The following TRANK1 variants were observed in gnomAD, a reference collection of about 807,000 sequenced individuals.
TRANK1 encodes the protein TPR and ankyrin repeat-containing protein 1.
A neutral mutation model predicts 266.0 loss-of-function variants in TRANK1; 198 were observed. That is an observed-to-expected ratio of 0.74 (90% CI 0.66 to 0.84). TRANK1 has a LOEUF of 0.84. Among genes scored for constraint, TRANK1 ranks in the 40% least tolerant of loss-of-function variants. The pLI is 0.00. For synonymous variants in TRANK1, 1,396 were observed against 1,384.1 expected (o/e 1.01, Z -0.19); for missense variants, 3,326 against 3,634.6 (o/e 0.92, Z 2.18).
At chr3:36,830,273 C>T (rs1022711188) in intron 22 of TRANK1, among the ~76,000 whole-genome samples, 4 of 151,838 alleles carry the variant, frequency 2.6e-5, no homozygotes, top group South Asian at 4.2e-4. Context: ...CAAGATCACG[C>T]CACTGCACTC....
chr3:36,944,017 A>G (rs1419228834), intron 1 of TRANK1, among the ~76,000 whole-genome samples: 1 of 152,136 alleles, frequency 6.6e-6, no homozygotes, highest in East Asian at 1.9e-4. Flanking sequence ...GATGGGCTCT[A>G]TCTCAGCCGG....
At chr3:36,889,523 C>T (rs953874270) in intron 8 of TRANK1, among the ~76,000 whole-genome samples, 1 of 152,150 alleles carries the variant, frequency 6.6e-6, no homozygotes, top group Non-Finnish European at 1.5e-5. Flanking sequence ...AATGAGTAAC[C>T]ATGTGATGAA....
chr3:36,856,999 G>C lies in TRANK1; in HGVS notation c.2723C>G (p.Ser908Cys). ...CTCAGGGTTCTCACTGCATCGAGGG[G>C]AGAAGTCAATGGCGAGCTCCCAGAG... Reference protein sequence around the residue: ...RMLWELAIDFSPRCSENPEKI... With the variant: ...RMLWELAIDFCPRCSENPEKI... The change falls in exon 13 of 24, where the codon TCC (serine) becomes TGC (cysteine). Residue 908 changes from serine (S) to cysteine (C), a missense_variant. By Grantham distance (112) the Ser-to-Cys change is moderately radical (BLOSUM62 -1). Coordinates refer to ENST00000645898, the MANE Select transcript of TRANK1 (RefSeq NM_001329998.2). 6.2e-7 allele frequency: 1 copy of C among 1,613,916 alleles called. No individual in the cohort carries two copies. The highest frequency in any genetic ancestry group is 1.1e-5 in the South Asian group (1 of 91,080).
At position 36,832,387 on chromosome 3, in the gene TRANK1, A is replaced by G. The variant is rs2078708398; in HGVS notation, c.7196T>C (p.Met2399Thr). Reference protein sequence around the residue: ...MLAPNRDDENMDKTHLCFIRL... With the variant: ...MLAPNRDDENTDKTHLCFIRL... ...GATGAAGCACAGGTGGGTCTTGTCC[A>G]TATTTTCATCATCCCTGTTGGGTGC... Residue 2399 changes from methionine (M) to threonine (T), a missense_variant, in exon 22 of 24, where the codon ATG becomes ACG. Met to Thr is a moderately conservative substitution (Grantham distance 81). Coordinates refer to ENST00000645898, the MANE Select transcript of TRANK1 (RefSeq NM_001329998.2). 1 of 1,614,036 alleles carries G rather than the reference A, an allele frequency of 6.2e-7. No homozygotes were observed. Among genetic ancestry groups the G allele is most frequent in the Middle Eastern group, 1.6e-4 (1 of 6,062 alleles).
chr3:36,837,453 G>A (rs971674139), intron 20 of TRANK1, among the ~76,000 whole-genome samples: 1 of 152,132 alleles, frequency 6.6e-6, no homozygotes. Context: ...GATCCCATGA[G>A]TCACCATATT....
chr3:36,918,602 G>GAAAGAAAGAAAGAAA (rs2080168783), intron 1 of TRANK1, among the ~76,000 whole-genome samples: 4 of 54,602 alleles, frequency 7.3e-5, no homozygotes, highest in African/African-American at 3.1e-4. Flanking sequence ...AAGGAAGGAA[G>GAAAGAAAGAAAGAAA]GAAGGAAAGA....
At position 36,855,178 on chromosome 3, in the gene TRANK1, T is replaced by C; in HGVS notation, c.4544A>G (p.His1515Arg). 1 of 1,609,050 alleles carries C rather than the reference T, an allele frequency of 6.2e-7. No individual in the cohort carries two copies. Among genetic ancestry groups the C allele is most frequent in the Non-Finnish European group, 8.5e-7 (1 of 1,176,290 alleles). The change falls in exon 13 of 24, where the codon CAC (histidine) becomes CGC (arginine). Residue 1515 changes from histidine (H) to arginine (R), a missense_variant. By Grantham distance (29) the His-to-Arg change is conservative. Coordinates refer to ENST00000645898, the MANE Select transcript of TRANK1 (RefSeq NM_001329998.2). The stretch of plus-strand genomic sequence containing the variant: ...AACCCAAGAGCTGGACTTACCTGAG[T>C]GGGACCTGTAATTCTGGTACAGCTG... ...IHQLYQNYRSHSGILNLASGV... is the reference protein window; with the variant it reads ...IHQLYQNYRSRSGILNLASGV...
At chr3:36,928,014 G>A (rs567828353) in intron 1 of TRANK1, among the ~76,000 whole-genome samples, 34 of 152,214 alleles carry the variant, frequency 2.2e-4, no homozygotes, top group Non-Finnish European at 5.0e-4. Flanking sequence ...TAGAATGTGG[G>A]GTCACAGGTT....
At position 36,833,765 on chromosome 3, in the gene TRANK1, G is replaced by T; in HGVS notation, c.5818C>A (p.Leu1940Met). ...CGTTTCCGAGACTTCAAGAACACCA[G>T]CTGGTCTTCTATGTCTAGCTTTGAG... is the stretch of plus-strand genomic sequence containing the variant. ...VLSKLDIEDQ[L>M]VFLKSRKRLA... Residue 1940 changes from leucine (L) to methionine (M), a missense_variant, in exon 22 of 24, where the codon CTG becomes ATG. By Grantham distance (15) the Leu-to-Met change is conservative. Transcript: ENST00000645898. 1.9e-6 allele frequency: 3 copies of T among 1,613,998 alleles called. No homozygotes were observed. The highest frequency in any genetic ancestry group is 2.5e-6 in the Non-Finnish European group (3 of 1,179,898).
At position 36,855,661 on chromosome 3, in the gene TRANK1, A is replaced by G. The variant is rs770769819; in HGVS notation, c.4061T>C (p.Leu1354Pro). The G allele has an allele frequency of 6.2e-7, 1 of 1,613,884 alleles. No individual in the cohort carries two copies. Among genetic ancestry groups the G allele is most frequent in the Non-Finnish European group, 8.5e-7 (1 of 1,179,862 alleles). The change falls in exon 13 of 24, where the codon CTA becomes CCA. Residue 1354 changes from leucine (L) to proline (P), a missense_variant. Leu to Pro is a moderately conservative substitution (Grantham distance 98). Transcript: ENST00000645898. ...GCTGAGGGCCTCAAAAGAACCCTTT[A>G]GAAAAGATTTTATTTCTTTCCAAAT... ...ALIWKEIKSF[L>P]KGSFEALSCP...
At chr3:36,868,301 T>C (rs368738915) in intron 9 of TRANK1, among the ~76,000 whole-genome samples, 30 of 152,380 alleles carry the variant, frequency 2.0e-4, no homozygotes, top group East Asian at 1.2e-3. Flanking sequence ...TAACCTACCG[T>C]AAAACTGGTT....
intron 20 of TRANK1, among the ~76,000 whole-genome samples, chr3:36,835,505 C>G (rs1309234805): frequency 2.0e-5 from 3 of 151,970 alleles, no homozygotes; most frequent in Non-Finnish European, 4.4e-5. Context: ...TCTTTGTGAC[C>G]TTGAGGTCAC....
At chr3:36,870,962 T>TAAAAAAAAAAAAAAAAAA (rs563787088) in intron 9 of TRANK1, among the ~76,000 whole-genome samples, 9 of 65,078 alleles carry the variant, frequency 1.4e-4, no homozygotes, top group African/African-American at 1.7e-4. Flanking sequence ...ACAAGGAAAC[T>TAAAAAAAAAAAAAAAAAA]AAAAAAAAAA....
At chr3:36,865,726 A>C (rs930031870) in intron 9 of TRANK1, among the ~76,000 whole-genome samples, 5 of 152,100 alleles carry the variant, frequency 3.3e-5, no homozygotes, top group African/African-American at 1.2e-4. Context: ...ACACATGTAC[A>C]CACACACATA....
Position 36,855,470 on chromosome 3 carries a change from A to G in TRANK1, c.4252T>C (p.Ser1418Pro). 1.2e-6 allele frequency: 2 copies of G among 1,613,918 alleles called. No individual in the cohort carries two copies. Among genetic ancestry groups the G allele is most frequent in the Non-Finnish European group, 8.5e-7 (1 of 1,179,870 alleles). The part of the protein sequence containing the change: ...FDEEDVLYNI[S>P]RRLSKLRVLP... ...ACCCTGAGCTTCGACAGCCTCCGGG[A>G]TATGTTGTACAGAACATCCTCTTCA... The change falls in exon 13 of 24, where the codon TCC becomes CCC. Residue 1418 changes from serine to proline, a missense_variant. Coordinates refer to ENST00000645898, the MANE Select transcript of TRANK1 (RefSeq NM_001329998.2).
chr3:36,838,615 G>A lies in TRANK1; in HGVS notation c.5382C>T (p.Pro1794=), dbSNP rs760961799. 1 of 1,613,918 alleles carries A rather than the reference G, an allele frequency of 6.2e-7. No homozygotes were observed. Among genetic ancestry groups the A allele is most frequent in the South Asian group, 1.1e-5 (1 of 91,050 alleles). The change falls in exon 19 of 24, where the codon CCC becomes CCT. Residue 1794 remains proline (P), a splice_region_variant and synonymous_variant. Transcript: ENST00000645898. ...ALSMKSKKVS[P]KEKQLEYLEL... is the part of the protein sequence containing the mutation. ...AGAAGTGATCCCAAGACTCTTACTTGGGGCTGACTTTCTTGGATTTCATGC... is the reference window on the plus strand; with the variant it reads ...AGAAGTGATCCCAAGACTCTTACTTAGGGCTGACTTTCTTGGATTTCATGC...
intron 4 of TRANK1, among the ~76,000 whole-genome samples, chr3:36,898,843 C>T (rs1181772764): frequency 7.5e-6 from 1 of 134,214 alleles, no homozygotes; most frequent in Non-Finnish European, 1.5e-5. Context: ...GAATAAGACT[C>T]TGTCTCAAAA....
intron 18 of TRANK1, among the ~76,000 whole-genome samples, chr3:36,839,666 C>T (rs906788075): frequency 6.6e-6 from 1 of 152,176 alleles, no homozygotes; most frequent in Admixed American, 6.5e-5. Flanking sequence ...GAAGGGTTCC[C>T]ACGCCTCTAT....
chr3:36,827,161 G>GA lies in TRANK1; in HGVS notation c.*1113_*1114insT, dbSNP rs2078641280. ...CAGTAACCATCAGAGAGGCATGAAG[G>GA]TTTCCCAGGTGGGATCAGCTGATGG... On this transcript the variant is annotated 3_prime_UTR_variant, in exon 24 of 24. Coordinates refer to ENST00000645898, the MANE Select transcript of TRANK1 (RefSeq NM_001329998.2). 1 of 152,372 alleles carries GA rather than the reference G, an allele frequency of 6.6e-6. No individual in the cohort carries two copies. The highest frequency in any genetic ancestry group is 1.5e-5 in the Non-Finnish European group (1 of 68,166). 9.4% of individuals were successfully genotyped at this position (152,372 alleles called of 1,614,324 possible).
Sources: gnomAD v4.1 joint callset for allele counts (sites outside exome capture counted in the v4.1 genomes callset) on GRCh38, gnomAD v4.1.1 for gene constraint, MANE v1.5 for transcripts, NCBI Gene and HGNC (gene_info 2026-07-23, HGNC 2026-07-21) for gene names.